Variants in PRDM16 observed in about 807,000 individuals in gnomAD.
PRDM16 encodes PR/SET domain 16.
PRDM16 carries 23 observed loss-of-function variants against 110.6 expected under a neutral mutation model. The ratio of observed to expected loss-of-function variants is 0.21; its 90% CI spans 0.15 to 0.29. The LOEUF is 0.29. Among genes scored for constraint, PRDM16 ranks in the 10% least tolerant of loss-of-function variants. PRDM16 has a pLI of 1.00. For missense variants in PRDM16, 1,615 were observed against 1,794.3 expected, an observed-to-expected ratio of 0.90 and a Z score of 1.81; for synonymous variants, 799 against 781.8, an observed-to-expected ratio of 1.02 and a Z score of -0.37.
At chr1:3,311,035 G>A (rs1183730591) in intron 3 of PRDM16, among the ~76,000 whole-genome samples, 4 of 152,178 alleles carry the variant, frequency 2.6e-5, no homozygotes, top group African/African-American at 9.6e-5. Flanking sequence ...GGTTGGTGGT[G>A]GTGGCAGGAT....
chr1:3,426,704 T>G (rs1638617979), intron 14 of PRDM16, among the ~76,000 whole-genome samples: 1 of 152,184 alleles, frequency 6.6e-6, no homozygotes, highest in East Asian at 1.9e-4. Context: ...CATGCACATA[T>G]GCACACAGAG....
At chr1:3,088,007 TC>T (rs1365432320) in intron 1 of PRDM16, among the ~76,000 whole-genome samples, 1 of 151,912 alleles carries the variant, frequency 6.6e-6, no homozygotes, top group Non-Finnish European at 1.5e-5. Flanking sequence ...CTTGCCCTCC[TC>T]ATTTCACTGC....
intron 3 of PRDM16, among the ~76,000 whole-genome samples, chr1:3,282,069 G>A (rs1640721141): frequency 6.6e-6 from 1 of 152,232 alleles, no homozygotes; most frequent in Non-Finnish European, 1.5e-5. Flanking sequence ...CCCAGGTCCA[G>A]CCTCTAGGTA....
chr1:3,092,800 G>A (rs1642308019), intron 1 of PRDM16, among the ~76,000 whole-genome samples: 1 of 152,090 alleles, frequency 6.6e-6, no homozygotes, highest in African/African-American at 2.4e-5. Context: ...CTGGGATTGG[G>A]GTCAGGGGCT....
At chr1:3,218,480 A>C (rs1366933818) in intron 2 of PRDM16, among the ~76,000 whole-genome samples, 5 of 152,238 alleles carry the variant, frequency 3.3e-5, no homozygotes, top group Non-Finnish European at 5.9e-5. Context: ...ACCCACTCCA[A>C]GGCACACATA....
At chr1:3,125,542 G>A (rs948548588) in intron 1 of PRDM16, among the ~76,000 whole-genome samples, 10 of 152,374 alleles carry the variant, frequency 6.6e-5, no homozygotes, top group Non-Finnish European at 1.3e-4. Context: ...ACAGGCCTCT[G>A]GGGGGACCGG....
chr1:3,416,680 G>A (rs1436551640), intron 10 of PRDM16, among the ~76,000 whole-genome samples: 1 of 152,190 alleles, frequency 6.6e-6, no homozygotes, highest in Non-Finnish European at 1.5e-5. Context: ...AGCTCCCAGG[G>A]GAGGCAGGCT....
At chr1:3,232,053 G>A (rs1026134322) in intron 2 of PRDM16, among the ~76,000 whole-genome samples, 5 of 152,216 alleles carry the variant, frequency 3.3e-5, no homozygotes, top group Admixed American at 6.5e-5. Flanking sequence ...CTGCCTTCAC[G>A]CACGGTGGTC....
At chr1:3,357,715 A>C (rs1475312587) in intron 3 of PRDM16, among the ~76,000 whole-genome samples, 1 of 152,198 alleles carries the variant, frequency 6.6e-6, no homozygotes, top group Non-Finnish European at 1.5e-5. Context: ...GTGGCCTTCC[A>C]GCAGCACTTC....
intron 3 of PRDM16, among the ~76,000 whole-genome samples, chr1:3,263,620 C>T (rs1371456247): frequency 1.3e-5 from 2 of 152,228 alleles, no homozygotes; most frequent in Non-Finnish European, 2.9e-5. Flanking sequence ...CCCATATGTC[C>T]GGGCCACAGC....
At chr1:3,164,406 C>T (rs940956007) in intron 1 of PRDM16, among the ~76,000 whole-genome samples, 3 of 152,212 alleles carry the variant, frequency 2.0e-5, no homozygotes, top group Non-Finnish European at 2.9e-5. Context: ...GGAACGATTT[C>T]CCAGCTCGCT....
At chr1:3,298,936 TG>T (rs1308151183) in intron 3 of PRDM16, among the ~76,000 whole-genome samples, 1 of 152,252 alleles carries the variant, frequency 6.6e-6, no homozygotes, top group East Asian at 1.9e-4. Context: ...GCCTTCAGGC[TG>T]GGTCTCCTCC....
At chr1:3,336,999 G>T (rs886403226) in intron 3 of PRDM16, among the ~76,000 whole-genome samples, 1 of 151,526 alleles carries the variant, frequency 6.6e-6, no homozygotes, top group Non-Finnish European at 1.5e-5. Flanking sequence ...GTGTGTGCAT[G>T]CATGCATGCA....
chr1:3,314,969 A>G (rs1390568242), intron 3 of PRDM16, among the ~76,000 whole-genome samples: 1 of 152,136 alleles, frequency 6.6e-6, no homozygotes, highest in Non-Finnish European at 1.5e-5. Flanking sequence ...CGGATTAGCC[A>G]TATCCGGGGA....
intron 2 of PRDM16, among the ~76,000 whole-genome samples, chr1:3,212,871 G>T (rs571520310): frequency 6.6e-6 from 1 of 152,296 alleles, no homozygotes; most frequent in East Asian, 1.9e-4. Flanking sequence ...CCCACCTGGC[G>T]AGGGGCCCTC....
At position 3,331,685 on chromosome 1, in the gene PRDM16, A is replaced by C. The variant is rs555327894; in HGVS notation, c.439-53467A>C. Among the ~76,000 whole-genome samples, 189 of 152,288 alleles carry C rather than the reference A, an allele frequency of 1.2e-3. 2 individuals carry two copies. Among genetic ancestry groups the C allele is most frequent in the African/African-American group, 4.3e-3 (177 of 41,574 alleles). ...GCCGCTGACAGCCCCTTCTGTGGGAATGGGCAGAGAACAGCCTTCCTCCCC... is the reference window on the plus strand; with the variant it reads ...GCCGCTGACAGCCCCTTCTGTGGGACTGGGCAGAGAACAGCCTTCCTCCCC... On this transcript the variant is annotated intron_variant, in intron 3 of 16. Transcript: ENST00000270722.
intron 2 of PRDM16, among the ~76,000 whole-genome samples, chr1:3,240,407 CAAAAAAA>C (rs113979441): frequency 3.8e-5 from 4 of 105,292 alleles, no homozygotes; most frequent in Non-Finnish European, 8.2e-5. Flanking sequence ...CAACCTGTTT[CAAAAAAA>C]AAAAAAAAAC....
At chr1:3,327,321 G>C (rs950613131) in intron 3 of PRDM16, among the ~76,000 whole-genome samples, 1 of 152,184 alleles carries the variant, frequency 6.6e-6, no homozygotes, top group African/African-American at 2.4e-5. Flanking sequence ...TGGAGAGGCT[G>C]TTTCCAAGGA....
chr1:3,349,003 T>C (rs1642421266), intron 3 of PRDM16, among the ~76,000 whole-genome samples: 1 of 151,962 alleles, frequency 6.6e-6, no homozygotes, highest in Non-Finnish European at 1.5e-5. Context: ...CTGGCATGGC[T>C]CTGTGCTCCT....
Sources: allele counts gnomAD v4.1 joint callset (sites outside exome capture counted in the v4.1 genomes callset), GRCh38; gene constraint gnomAD v4.1.1; transcripts MANE v1.5; gene names NCBI Gene and HGNC (gene_info 2026-07-23, HGNC 2026-07-21).